Variants in MAP3K2 observed in about 807,000 individuals in gnomAD.
The protein encoded by MAP3K2 is mitogen-activated protein kinase kinase kinase 2.
A neutral mutation model predicts 80.3 loss-of-function variants in MAP3K2; 24 were observed. The ratio of observed to expected loss-of-function variants is 0.30; its 90% confidence interval spans 0.22 to 0.42. MAP3K2 has a LOEUF of 0.42. Among genes scored for constraint, MAP3K2 ranks in the 10% least tolerant of loss-of-function variants. MAP3K2 has a pLI of 1.00. For missense variants in MAP3K2, 608 were observed against 750.1 expected (o/e 0.81, Z 2.21); for synonymous variants, 244 against 253.7 (o/e 0.96, Z 0.36).
At position 127,329,678 on chromosome 2, in the gene MAP3K2, T is replaced by C. The variant is rs180953156; in HGVS notation, c.466+243A>G. 1.6e-3 allele frequency among the ~76,000 whole-genome samples: 238 copies of C among 152,310 alleles called. 1 individual carries two copies. The highest frequency in any genetic ancestry group is 2.5e-3 in the Admixed American group (39 of 15,298). On this transcript the variant is annotated intron_variant, in intron 7 of 16. Transcript: ENST00000682094. Reference sequence around the variant, plus strand: ...CCTAAAACCTCTTTAAAGTTTTATTTGAATTTGTTAACATTAAAATACCCT... The same window carrying C: ...CCTAAAACCTCTTTAAAGTTTTATTCGAATTTGTTAACATTAAAATACCCT...
At chr2:127,317,799 C>A in intron 13 of MAP3K2, 39 bp from the exon 14 acceptor site, 4 of 1,557,350 alleles carry the variant, frequency 2.6e-6, no homozygotes, top group Admixed American at 2.0e-5. Flanking sequence ...TCAACAATGT[C>A]AGTAAAAGCA....
chr2:127,369,947 T>C (rs1687033897), intron 1 of MAP3K2, among the ~76,000 whole-genome samples: 1 of 152,222 alleles, frequency 6.6e-6, no homozygotes, highest in Admixed American at 6.5e-5. Context: ...TGGAAGGTTT[T>C]ACAAAAGCTT....
chr2:127,344,405 T>A (rs1283429344), intron 1 of MAP3K2, among the ~76,000 whole-genome samples: 1 of 151,762 alleles, frequency 6.6e-6, no homozygotes, highest in Non-Finnish European at 1.5e-5. Flanking sequence ...TACTAGCAAT[T>A]TGGGGGGGCC....
chr2:127,317,500 T>A, intron 14 of MAP3K2, 129 bp downstream of exon 14: 1 of 693,628 alleles, frequency 1.4e-6, no homozygotes, highest in East Asian at 3.0e-5. Flanking sequence ...TACTCAGCTC[T>A]AATTTAAAAC....
At position 127,329,918 on chromosome 2, in the gene MAP3K2, T is replaced by C. The variant is rs1402803154; in HGVS notation, c.466+3A>G. ...TTTCATAATTCAGACACTAGTTTCTTACCTATTATAGATAGCCGTTTTTTC... is the reference window on the plus strand; with the variant it reads ...TTTCATAATTCAGACACTAGTTTCTCACCTATTATAGATAGCCGTTTTTTC... On this transcript the variant is annotated splice_donor_region_variant and intron_variant, in intron 7 of 16. Transcript: ENST00000682094. The C allele has an allele frequency of 2.0e-6, 3 of 1,531,176 alleles. No homozygotes were observed. Among genetic ancestry groups the C allele is most frequent in the Admixed American group, 1.7e-5 (1 of 58,974 alleles). 94.8% of individuals were successfully genotyped at this position (1,531,176 alleles called of 1,614,324 possible).
chr2:127,386,077 C>A (rs1687341410), intron 1 of MAP3K2, among the ~76,000 whole-genome samples: 1 of 152,210 alleles, frequency 6.6e-6, no homozygotes, highest in Non-Finnish European at 1.5e-5. Flanking sequence ...CTTTTCTCCA[C>A]AGAGACTGCA....
intron 3 of MAP3K2, among the ~76,000 whole-genome samples, chr2:127,338,075 T>A (rs1212844578): frequency 1.3e-5 from 2 of 152,212 alleles, no homozygotes; most frequent in African/African-American, 4.8e-5. Context: ...CAGAATATTA[T>A]ATTTTTATGT....
chr2:127,355,982 C>T (rs1573999837), intron 1 of MAP3K2, among the ~76,000 whole-genome samples: 1 of 152,244 alleles, frequency 6.6e-6, no homozygotes, highest in East Asian at 1.9e-4. Flanking sequence ...ACTTTGTTTG[C>T]TTGTCCATAA....
intron 1 of MAP3K2, among the ~76,000 whole-genome samples, chr2:127,360,105 G>A (rs1686858824): frequency 6.6e-6 from 1 of 152,110 alleles, no homozygotes; most frequent in African/African-American, 2.4e-5. Flanking sequence ...GCCCAAAAGT[G>A]GAAACCCAAA....
chr2:127,348,245 G>A (rs1421232556), intron 1 of MAP3K2, among the ~76,000 whole-genome samples: 1 of 151,906 alleles, frequency 6.6e-6, no homozygotes, highest in Non-Finnish European at 1.5e-5. Flanking sequence ...AAAATTAGCT[G>A]GGCATGGTGG....
intron 1 of MAP3K2, among the ~76,000 whole-genome samples, chr2:127,358,641 G>GCC (rs1686832979): frequency 6.6e-6 from 1 of 152,198 alleles, no homozygotes; most frequent in Admixed American, 6.5e-5. Flanking sequence ...AGTGAAAGAA[G>GCC]CCAATCTGAG....
chr2:127,353,121 C>T (rs1467571302), intron 1 of MAP3K2, among the ~76,000 whole-genome samples: 1 of 152,122 alleles, frequency 6.6e-6, no homozygotes. Flanking sequence ...CAGCCGCCAC[C>T]CCGTCTGGGA....
chr2:127,311,289 C>T (rs1339673200), intron 15 of MAP3K2, among the ~76,000 whole-genome samples: 1 of 152,142 alleles, frequency 6.6e-6, no homozygotes, highest in Non-Finnish European at 1.5e-5. Flanking sequence ...AAAAAGCCAC[C>T]GTCTCTAGAA....
chr2:127,342,199 G>T (rs1421490235), intron 2 of MAP3K2, among the ~76,000 whole-genome samples: 1 of 152,162 alleles, frequency 6.6e-6, no homozygotes, highest in Non-Finnish European at 1.5e-5. Context: ...CTGAAAGTAA[G>T]GCTGACTAGA....
chr2:127,311,141 C>G (rs1685800490), intron 15 of MAP3K2, among the ~76,000 whole-genome samples: 1 of 152,150 alleles, frequency 6.6e-6, no homozygotes, highest in Non-Finnish European at 1.5e-5. Context: ...TGATGGTTCC[C>G]TAAAGCCTCT....
chr2:127,329,816 T>A (rs1686215957), intron 7 of MAP3K2, 105 bp downstream of exon 7: 1 of 667,142 alleles, frequency 1.5e-6, no homozygotes, highest in Non-Finnish European at 2.6e-6. Flanking sequence ...AGTAGAGAAA[T>A]AAAATATTAT....
Position 127,303,820 on chromosome 2 carries a change from A to C in MAP3K2, c.*3759T>G, listed in dbSNP as rs905666137. ...CCAGACTCCAAATAAAATCACTGGC[A>C]CAGAACTTTGCCATAGGCCAAGGAG... On this transcript the variant is annotated 3_prime_UTR_variant, in exon 17 of 17. Coordinates refer to ENST00000682094, the MANE Select transcript of MAP3K2 (RefSeq NM_001371910.2). The C allele has an allele frequency of 3.3e-5, 5 of 152,198 alleles. No individual in the cohort carries two copies. Among genetic ancestry groups the C allele is most frequent in the African/African-American group, 1.2e-4 (5 of 41,460 alleles). 9.4% of individuals were successfully genotyped at this position (152,198 alleles called of 1,614,324 possible).
At chr2:127,357,938 A>C (rs1007289318) in intron 1 of MAP3K2, among the ~76,000 whole-genome samples, 2 of 152,204 alleles carry the variant, frequency 1.3e-5, no homozygotes, top group Non-Finnish European at 2.9e-5. Context: ...TTGAAGAGCA[A>C]AAGTACAGTA....
intron 1 of MAP3K2, among the ~76,000 whole-genome samples, chr2:127,352,351 G>C (rs1686705871): frequency 6.6e-6 from 1 of 152,238 alleles, no homozygotes; most frequent in African/African-American, 2.4e-5. Flanking sequence ...ATCCATTACA[G>C]CTTCCATGGC....
Sources: gnomAD v4.1 joint callset for allele counts (sites outside exome capture counted in the v4.1 genomes callset) on GRCh38, gnomAD v4.1.1 for gene constraint, MANE v1.5 for transcripts, NCBI Gene and HGNC (gene_info 2026-07-23, HGNC 2026-07-21) for gene names.